Variants in BRCA2 observed in about 807,000 individuals in gnomAD.
BRCA2 encodes the protein breast cancer type 2 susceptibility protein.
Under a neutral mutation model 276.7 loss-of-function variants are expected in BRCA2, and 203 were observed. The ratio of observed to expected loss-of-function variants is 0.73; its 90% confidence interval spans 0.65 to 0.82. The LOEUF is 0.82. Among genes scored for constraint, BRCA2 ranks in the 40% least tolerant of loss-of-function variants. BRCA2 has a pLI of 0.00. For missense variants in BRCA2, 3,920 were observed against 3,915.0 expected, an observed-to-expected ratio of 1.00 and a Z score of -0.03; for synonymous variants, 1,289 against 1,338.4, an observed-to-expected ratio of 0.96 and a Z score of 0.81.
intron 25 of BRCA2, among the ~76,000 whole-genome samples, chr13:32,395,235 G>T (rs533430336): frequency 6.6e-6 from 1 of 152,294 alleles, no homozygotes; most frequent in South Asian, 2.1e-4. Context: ...GTTATCTGTG[G>T]TTTGCAGCAG....
In BRCA2 at chr13:32,376,667, T is replaced by G. The variant is rs1283205861; in HGVS notation, c.8633-3T>G. 1.9e-6 allele frequency: 3 copies of G among 1,613,922 alleles called. No homozygotes were observed. Among genetic ancestry groups the G allele is most frequent in the Non-Finnish European group, 2.5e-6 (3 of 1,179,828 alleles). ...TGAATTAATAATCCTTTTGTTTTCT[T>G]AGAAAACACAACAAAACCATATTTA... On this transcript the variant is annotated splice_region_variant and splice_polypyrimidine_tract_variant and intron_variant, in intron 20 of 26. Transcript: ENST00000380152.
chr13:32,357,725 GTGTT>G lies in BRCA2; in HGVS notation c.7618-15_7618-12del, dbSNP rs769658252. On this transcript the variant is annotated splice_polypyrimidine_tract_variant and intron_variant, in intron 15 of 26. Coordinates refer to ENST00000380152, the MANE Select transcript of BRCA2 (RefSeq NM_000059.4). ...TTTAAATTGTTTTTCTTTTTTGTGTGTGTTTATTTTGTGTAGCTGTATACGTATG... is the reference window on the plus strand; with the variant it reads ...TTTAAATTGTTTTTCTTTTTTGTGTGTATTTTGTGTAGCTGTATACGTATG... 2.5e-6 allele frequency: 4 copies of G among 1,604,082 alleles called. No homozygotes were observed. Among genetic ancestry groups the G allele is most frequent in the African/African-American group, 2.7e-5 (2 of 74,614 alleles).
At chr13:32,342,188 A>T (rs1013207927) in intron 11 of BRCA2, among the ~76,000 whole-genome samples, 1 of 148,432 alleles carries the variant, frequency 6.7e-6, no homozygotes, top group Non-Finnish European at 1.5e-5. Context: ...CAGGAGAATC[A>T]CCTGAACCTG....
At position 32,398,753 on chromosome 13, in the gene BRCA2, A is replaced by G. The variant is rs80358405; in HGVS notation, c.10240A>G (p.Thr3414Ala). Residue 3414 changes from threonine to alanine, a missense_variant, in exon 27 of 27, where the codon ACT becomes GCT. Transcript: ENST00000380152. ...GAAAAATAAGCAGGACACAATTACA[A>G]CTAAAAAATATATCTAAGCATTTGC... ...CEKNKQDTIT[T>A]KKYI 10 of 1,613,824 alleles carry G rather than the reference A, an allele frequency of 6.2e-6. No individual in the cohort carries two copies. Among genetic ancestry groups the G allele is most frequent in the Non-Finnish European group, 8.5e-6 (10 of 1,179,970 alleles).
intron 25 of BRCA2, 96 bp downstream of exon 25, chr13:32,395,029 G>C (rs2137655182): frequency 6.5e-7 from 1 of 1,536,960 alleles, no homozygotes; most frequent in Non-Finnish European, 8.9e-7. Flanking sequence ...TTGGATAGTT[G>C]AGGTAGTATG....
chr13:32,382,556 C>T (rs1342661662), intron 24 of BRCA2, among the ~76,000 whole-genome samples: 5 of 152,108 alleles, frequency 3.3e-5, no homozygotes, highest in African/African-American at 4.8e-5. Flanking sequence ...AAGAATTGAT[C>T]ATTGGCTTTA....
At chr13:32,391,521 A>G (rs532406021) in intron 24 of BRCA2, among the ~76,000 whole-genome samples, 1 of 152,342 alleles carries the variant, frequency 6.6e-6, no homozygotes, top group African/African-American at 2.4e-5. Context: ...AGCTCTCCCC[A>G]GAAGCTGGAG....
Position 32,340,880 on chromosome 13 carries a change from G to C in BRCA2, c.6525G>C (p.Glu2175Asp). 1 of 1,604,934 alleles carries C rather than the reference G, an allele frequency of 6.2e-7. No individual in the cohort carries two copies. Among genetic ancestry groups the C allele is most frequent in the Non-Finnish European group, 8.5e-7 (1 of 1,177,692 alleles). ...TAGGAACCAAAGTGTCACTTGTTGA[G>C]AACATTCATGTTTTGGGAAAAGAAC... ...LVLGTKVSLVENIHVLGKEQA... is the reference protein window; with the variant it reads ...LVLGTKVSLVDNIHVLGKEQA... Residue 2175 changes from glutamate (E) to aspartate (D), a missense_variant, in exon 11 of 27, where the codon GAG (glutamate) becomes GAC (aspartate). Coordinates refer to ENST00000380152, the MANE Select transcript of BRCA2 (RefSeq NM_000059.4).
intron 4 of BRCA2, 49 bp from the exon 5 acceptor site, chr13:32,326,052 T>A (rs780032504): frequency 1.1e-5 from 16 of 1,509,534 alleles, no homozygotes; most frequent in Non-Finnish European, 1.4e-5. Context: ...AAACTAGTTT[T>A]TGCCAGTTTT....
chr13:32,389,714 A>G (rs564900756), intron 24 of BRCA2, among the ~76,000 whole-genome samples: 2 of 152,294 alleles, frequency 1.3e-5, no homozygotes, highest in South Asian at 4.1e-4. Context: ...TAACCCCATC[A>G]TAAGTTGTCC....
Position 32,336,422 on chromosome 13 carries a change from A to T in BRCA2, c.2067A>T (p.Lys689Asn), listed in dbSNP as rs2072449799. Residue 689 changes from lysine (K) to asparagine (N), a missense_variant, in exon 11 of 27, where the codon AAA (lysine) becomes AAT (asparagine). Coordinates refer to ENST00000380152, the MANE Select transcript of BRCA2 (RefSeq NM_000059.4). ...NTVISQDLDY[K>N]EAKCNKEKLQ... is the part of the protein sequence containing the mutation. ...TAATCTCTCAGGATCTTGATTATAA[A>T]GAAGCAAAATGTAATAAGGAAAAAC... The T allele has an allele frequency of 6.2e-7, 1 of 1,613,810 alleles. No individual in the cohort carries two copies. Among genetic ancestry groups the T allele is most frequent in the South Asian group, 1.1e-5 (1 of 91,000 alleles).
chr13:32,332,296 C>T lies in BRCA2; in HGVS notation c.818C>T (p.Ser273Leu), dbSNP rs80359068. 5 of 1,604,810 alleles carry T rather than the reference C, an allele frequency of 3.1e-6. No individual in the cohort carries two copies. The African/African-American group carries it at 4.0e-5, about 13-fold the overall frequency. ...GGATTTGGAAAAACATCAGGGAATT[C>T]ATTTAAAGTAAATAGCTGCAAAGAC... ...SHGFGKTSGN[S>L]FKVNSCKDHI... Residue 273 changes from serine (S) to leucine (L), a missense_variant, in exon 10 of 27, where the codon TCA becomes TTA. By Grantham distance (145) the Ser-to-Leu change is moderately radical. Around this residue, in one of 2 missense-constraint regions of BRCA2, gnomAD observed 3,263 missense variants for 3,156.9 expected, o/e 1.03. Transcript: ENST00000380152.
chr13:32,348,682 T>C (rs1437721741), intron 13 of BRCA2, among the ~76,000 whole-genome samples: 1 of 151,806 alleles, frequency 6.6e-6, no homozygotes, highest in African/African-American at 2.4e-5. Flanking sequence ...CCAAAACAAA[T>C]GCATACACCA....
chr13:32,322,801 G>A (rs1479135479), intron 3 of BRCA2, among the ~76,000 whole-genome samples: 1 of 152,174 alleles, frequency 6.6e-6, no homozygotes, highest in Non-Finnish European at 1.5e-5. Flanking sequence ...ATGTACCACA[G>A]CTTGTTTATC....
At position 32,325,849 on chromosome 13, in the gene BRCA2, A is replaced by G. The variant is rs948639481; in HGVS notation, c.426-252A>G. ...ACCACTGTGCCCGGCCTACTTTACA[A>G]AATTTTTGAGTTTAAAATACACGGT... On this transcript the variant is annotated intron_variant, in intron 4 of 26. Transcript: ENST00000380152. 2.0e-5 allele frequency among the ~76,000 whole-genome samples: 3 copies of G among 152,168 alleles called. No individual in the cohort carries two copies. The highest frequency in any genetic ancestry group is 4.4e-5 in the Non-Finnish European group (3 of 68,030).
Position 32,332,320 on chromosome 13 carries a change from A to T in BRCA2, c.842A>T (p.Asp281Val). The change falls in exon 10 of 27, where the codon GAC becomes GTC. Residue 281 changes from aspartate (D) to valine (V), a missense_variant. Coordinates refer to ENST00000380152, the MANE Select transcript of BRCA2 (RefSeq NM_000059.4). Reference protein sequence around the residue: ...GNSFKVNSCKDHIGKSMPNVL... With the variant: ...GNSFKVNSCKVHIGKSMPNVL... ...TCATTTAAAGTAAATAGCTGCAAAG[A>T]CCACATTGGAAAGTCAATGCCAAAT... 1 of 1,604,464 alleles carries T rather than the reference A, an allele frequency of 6.2e-7. No homozygotes were observed. The highest frequency in any genetic ancestry group is 2.2e-5 in the East Asian group (1 of 44,790).
In BRCA2 at chr13:32,337,171, C is replaced by A. The variant is rs1555282879; in HGVS notation, c.2816C>A (p.Thr939Asn). 1 of 1,613,632 alleles carries A rather than the reference C, an allele frequency of 6.2e-7. No individual in the cohort carries two copies. The highest frequency in any genetic ancestry group is 8.5e-7 in the Non-Finnish European group (1 of 1,179,806). The change falls in exon 11 of 27, where the codon ACC becomes AAC. Residue 939 changes from threonine (T) to asparagine (N), a missense_variant. Physicochemically the swap from Thr to Asn is moderately conservative, Grantham distance 65 (BLOSUM62 0). Transcript: ENST00000380152. Reference sequence around the variant, plus strand: ...GGAGACACAGGTGATAAACAAGCAACCCAAGTGTCAATTAAAAAAGATTTG... The same window carrying A: ...GGAGACACAGGTGATAAACAAGCAAACCAAGTGTCAATTAAAAAAGATTTG... ...LYGDTGDKQA[T>N]QVSIKKDLVY...
At chr13:32,364,487 C>A (rs2072767651) in intron 18 of BRCA2, among the ~76,000 whole-genome samples, 1 of 152,194 alleles carries the variant, frequency 6.6e-6, no homozygotes, top group African/African-American at 2.4e-5. Context: ...TACTCCAACA[C>A]TGCTACATAT....
chr13:32,319,298 G>C lies in BRCA2; in HGVS notation c.289G>C (p.Glu97Gln), dbSNP rs397507646. The change falls in exon 3 of 27, where the codon GAA becomes CAA. Residue 97 changes from glutamate (E) to glutamine (Q), a missense_variant. Glu to Gln is a conservative substitution (Grantham distance 29, BLOSUM62 2). Around this residue, in one of 2 missense-constraint regions of BRCA2, gnomAD observed 3,263 missense variants for 3,156.9 expected, o/e 1.03. Transcript: ENST00000380152. ...GCCGCTGTACCAATCTCCTGTAAAA[G>C]AATTAGATAAATTCAAATTAGACTT... ...TLPLYQSPVK[E>Q]LDKFKLDLGR... The C allele has an allele frequency of 6.2e-7, 1 of 1,613,820 alleles. No individual in the cohort carries two copies. Among genetic ancestry groups the C allele is most frequent in the Non-Finnish European group, 8.5e-7 (1 of 1,179,772 alleles).
Sources: allele counts gnomAD v4.1 joint callset (sites outside exome capture counted in the v4.1 genomes callset), GRCh38; gene constraint gnomAD v4.1.1; regional missense constraint gnomAD v4.1.1; transcripts MANE v1.5; gene names NCBI Gene and HGNC (gene_info 2026-07-23, HGNC 2026-07-21).